Variants in DOCK3 observed in about 807,000 individuals in gnomAD.
The protein encoded by DOCK3 is dedicator of cytokinesis protein 3.
Under a neutral mutation model 265.6 loss-of-function variants are expected in DOCK3, and 60 were observed. The ratio of observed to expected loss-of-function variants is 0.23; its 90% CI spans 0.18 to 0.28. DOCK3 has a LOEUF of 0.28. Ranked by LOEUF, DOCK3 falls within the 10% of genes least tolerant of loss-of-function variation. The pLI is 1.00. For synonymous variants in DOCK3, 881 were observed against 938.0 expected, an observed-to-expected ratio of 0.94 and a Z score of 1.11; for missense variants, 1,981 against 2,594.3, an observed-to-expected ratio of 0.76 and a Z score of 5.14.
chr3:50,953,822 G>T (rs988412791), intron 5 of DOCK3, among the ~76,000 whole-genome samples: 1 of 152,012 alleles, frequency 6.6e-6, no homozygotes, highest in Non-Finnish European at 1.5e-5. Flanking sequence ...CATTCTTTTC[G>T]CTGTTAAGCT....
chr3:51,212,725 T>TA, intron 13 of DOCK3, among the ~76,000 whole-genome samples: 1 of 152,212 alleles, frequency 6.6e-6, no homozygotes, highest in Middle Eastern at 3.2e-3. Context: ...CACCAGTGAT[T>TA]AGGCTTAAGA....
intron 21 of DOCK3, among the ~76,000 whole-genome samples, chr3:51,241,487 T>A (rs2078609276): frequency 6.6e-6 from 1 of 152,230 alleles, no homozygotes; most frequent in Admixed American, 6.5e-5. Flanking sequence ...GTTGGGGAAG[T>A]CTTCATGGAT....
In DOCK3 at chr3:50,795,598, C is replaced by T. The variant is rs561466604; in HGVS notation, c.121+16840C>T. ...GGTTTCACCATGTTGGCAAGGATGG[C>T]CTTGATCTCTTGACTTCGTGATCTG... is the stretch of plus-strand genomic sequence containing the variant. On this transcript the variant is annotated intron_variant, in intron 2 of 52. Transcript: ENST00000266037. 2.6e-5 allele frequency among the ~76,000 whole-genome samples: 4 copies of T among 152,150 alleles called. No individual in the cohort carries two copies. In the East Asian group the frequency reaches 7.7e-4, roughly 29 times the overall value.
intron 2 of DOCK3, among the ~76,000 whole-genome samples, chr3:50,786,270 A>G (rs1003161883): frequency 2.0e-5 from 3 of 152,162 alleles, no homozygotes; most frequent in African/African-American, 7.2e-5. Context: ...CTGATATGAA[A>G]TTATAAAATT....
At chr3:51,244,076 T>C (rs2078723187) in intron 21 of DOCK3, among the ~76,000 whole-genome samples, 1 of 152,238 alleles carries the variant, frequency 6.6e-6, no homozygotes, top group Non-Finnish European at 1.5e-5. Context: ...AATATGTCTT[T>C]ATGCTAATTC....
intron 2 of DOCK3, among the ~76,000 whole-genome samples, chr3:50,840,252 C>G (rs2045752271): frequency 6.6e-6 from 1 of 152,070 alleles, no homozygotes; most frequent in Non-Finnish European, 1.5e-5. Context: ...TTATTTCTTT[C>G]ATGGATCATG....
chr3:50,732,438 GT>G (rs2038280369), intron 1 of DOCK3, among the ~76,000 whole-genome samples: 1 of 151,998 alleles, frequency 6.6e-6, no homozygotes, highest in Non-Finnish European at 1.5e-5. Flanking sequence ...GGGTCTCACT[GT>G]GTTGCCCAGT....
chr3:51,280,974 C>T (rs1243723455), intron 27 of DOCK3, among the ~76,000 whole-genome samples: 2 of 152,056 alleles, frequency 1.3e-5, no homozygotes, highest in Non-Finnish European at 2.9e-5. Flanking sequence ...ATCTATTTTC[C>T]TCTTTCTATG....
chr3:51,373,996 G>A (rs1301987741), intron 49 of DOCK3, among the ~76,000 whole-genome samples: 3 of 152,200 alleles, frequency 2.0e-5, no homozygotes, highest in South Asian at 4.1e-4. Context: ...AGGTAAGTGC[G>A]TAAAGACACA....
intron 12 of DOCK3, among the ~76,000 whole-genome samples, chr3:51,178,423 A>G (rs2087090697): frequency 6.6e-6 from 1 of 152,312 alleles, no homozygotes; most frequent in African/African-American, 2.4e-5. Context: ...TCTGCAAAGT[A>G]GAGGGTTGCT....
intron 9 of DOCK3, among the ~76,000 whole-genome samples, chr3:51,120,836 A>G (rs1371156837): frequency 1.3e-5 from 2 of 152,128 alleles, no homozygotes; most frequent in Non-Finnish European, 2.9e-5. Flanking sequence ...CGAGCATCCC[A>G]GGTTGACTTC....
At chr3:51,245,652 G>C (rs1387864201) in intron 21 of DOCK3, among the ~76,000 whole-genome samples, 1 of 151,870 alleles carries the variant, frequency 6.6e-6, no homozygotes, top group Non-Finnish European at 1.5e-5. Context: ...CAGCCTCCTA[G>C]AGTGCTGAGA....
chr3:51,254,457 G>T (rs1374551234), intron 22 of DOCK3, among the ~76,000 whole-genome samples: 1 of 152,160 alleles, frequency 6.6e-6, no homozygotes, highest in Non-Finnish European at 1.5e-5. Flanking sequence ...GTCTAATGTT[G>T]ACAGTGGGGT....
intron 2 of DOCK3, among the ~76,000 whole-genome samples, chr3:50,820,952 G>C (rs1361266284): frequency 6.6e-6 from 1 of 150,524 alleles, no homozygotes; most frequent in Non-Finnish European, 1.5e-5. Context: ...GTTGTCTTTT[G>C]AGAAGTGTCT....
chr3:51,210,122 A>T (rs1283432507), intron 13 of DOCK3, among the ~76,000 whole-genome samples: 2 of 152,324 alleles, frequency 1.3e-5, no homozygotes, highest in East Asian at 3.9e-4. Flanking sequence ...CGTGGGACAT[A>T]ATGTGATTAA....
intron 5 of DOCK3, among the ~76,000 whole-genome samples, chr3:50,993,192 G>C (rs983070403): frequency 1.3e-5 from 2 of 152,164 alleles, no homozygotes; most frequent in African/African-American, 4.8e-5. Flanking sequence ...CTCCACTTGA[G>C]TGAGCTTTCA....
At chr3:51,191,063 A>C (rs2087911731) in intron 12 of DOCK3, among the ~76,000 whole-genome samples, 1 of 152,140 alleles carries the variant, frequency 6.6e-6, no homozygotes, top group Non-Finnish European at 1.5e-5. Flanking sequence ...ACCTGCAGTG[A>C]TCCATTAGTA....
At chr3:50,883,768 G>A (rs367617604) in intron 3 of DOCK3, among the ~76,000 whole-genome samples, 12 of 151,944 alleles carry the variant, frequency 7.9e-5, no homozygotes, top group South Asian at 2.1e-4. Flanking sequence ...TACACATAAC[G>A]TTTACCATGA....
intron 2 of DOCK3, among the ~76,000 whole-genome samples, chr3:50,809,477 A>T (rs1423273292): frequency 6.6e-6 from 1 of 152,214 alleles, no homozygotes; most frequent in Non-Finnish European, 1.5e-5. Flanking sequence ...TGGTGGGGAA[A>T]ATGTTATTAG....
Sources: allele counts gnomAD v4.1 joint callset (sites outside exome capture counted in the v4.1 genomes callset), GRCh38; gene constraint gnomAD v4.1.1; transcripts MANE v1.5; gene names NCBI Gene and HGNC (gene_info 2026-07-23, HGNC 2026-07-21).